NTRK1: variants seen among roughly 807,000 people sequenced by gnomAD.
NTRK1 encodes neurotrophic receptor tyrosine kinase 1, also known as high affinity nerve growth factor receptor.
A neutral mutation model predicts 86.8 loss-of-function variants in NTRK1; 62 were observed. The ratio of observed to expected loss-of-function variants is 0.71; its 90% CI spans 0.58 to 0.88. The LOEUF (loss-of-function observed/expected upper bound fraction) is 0.88, where lower values mean the gene tolerates loss of function less well. Ranked by LOEUF, NTRK1 falls within the 40% of genes least tolerant of loss-of-function variation. The pLI, the probability that NTRK1 is intolerant of heterozygous loss-of-function variation, is 0.00. For synonymous variants in NTRK1, 469 were observed against 456.6 expected (o/e 1.03, Z -0.35); for missense variants, 967 against 1,078.4 (o/e 0.90, Z 1.45).
In NTRK1 at chr1:156,880,037, GC is replaced by G; in HGVS notation, c.2088del (p.Glu697ArgfsTer123). ...CCATGCTGCCCATTCGCTGGATGCC[GC>G]CCGAGAGCATCCTGTACCGTAAGTT... ...RTMLPIRWMP[P>X]ESILYRKFTT... On this transcript the variant is annotated frameshift_variant, in exon 16 of 17. Coordinates refer to ENST00000524377, the MANE Select transcript of NTRK1 (RefSeq NM_002529.4). LOFTEE classifies it high-confidence loss of function. 5.6e-6 allele frequency: 9 copies of G among 1,613,448 alleles called. No individual in the cohort carries two copies. The highest frequency in any genetic ancestry group is 7.6e-6 in the Non-Finnish European group (9 of 1,179,970).
chr1:156,858,540 C>T (rs1655492110), upstream of NTRK1: 2 of 1,613,190 alleles, frequency 1.2e-6, no homozygotes, highest in East Asian at 2.2e-5. Flanking sequence ...GACTCACCCT[C>T]TACTGTATCC....
At chr1:156,864,970 G>A in intron 3 of NTRK1, 171 bp downstream of exon 3, 1 of 693,920 alleles carries the variant, frequency 1.4e-6, no homozygotes, top group Non-Finnish European at 2.6e-6. Context: ...GGGATGGCAT[G>A]CTCTCGCCCC....
chr1:156,875,621 C>A lies in NTRK1; in HGVS notation c.1456C>A (p.Leu486Ile), dbSNP rs772559075. The A allele has an allele frequency of 1.7e-5, 28 of 1,613,736 alleles. No individual in the cohort carries two copies. The South Asian group carries it at 2.4e-4, about 14-fold the overall frequency. ...LSPTEGKGSG[L>I]QGHIIENPQY... The stretch of plus-strand genomic sequence containing the variant: ...CCCCACCGAGGGCAAAGGCTCTGGG[C>A]TCCAAGGCCACATCATCGAGAACCC... Residue 486 changes from leucine to isoleucine, a missense_variant, in exon 12 of 17, where the codon CTC becomes ATC. Coordinates refer to ENST00000524377, the MANE Select transcript of NTRK1 (RefSeq NM_002529.4).
intron 10 of NTRK1, 100 bp downstream of exon 10, chr1:156,874,726 C>A (rs2102910912): frequency 7.3e-7 from 1 of 1,374,910 alleles, no homozygotes; most frequent in Non-Finnish European, 1.0e-6. Context: ...AGATCACTAC[C>A]ATCTGGCCTG....
At chr1:156,822,015 G>A (rs533774386) in intron 1 of NTRK1, among the ~76,000 whole-genome samples, 26 of 152,282 alleles carry the variant, frequency 1.7e-4, no homozygotes, top group African/African-American at 5.5e-4. Flanking sequence ...TGCATTCCTA[G>A]GACTACAGCT....
At chr1:156,875,945 G>C in intron 12 of NTRK1, 135 bp from the exon 13 acceptor site, 1 of 1,369,004 alleles carries the variant, frequency 7.3e-7, no homozygotes, top group Non-Finnish European at 1.0e-6. Context: ...AAGGGGTGCA[G>C]GTTGAATTTT....
chr1:156,866,777 G>C, intron 3 of NTRK1, 133 bp from the exon 4 acceptor site: 7 of 904,486 alleles, frequency 7.7e-6, no homozygotes, highest in Non-Finnish European at 1.1e-5. Context: ...TTCCAGGGCT[G>C]GTTCTGGTTG....
intron 14 of NTRK1, among the ~76,000 whole-genome samples, chr1:156,878,261 T>G (rs1465246141): frequency 6.6e-6 from 1 of 152,054 alleles, no homozygotes; most frequent in African/African-American, 2.4e-5. Flanking sequence ...ACACACAAAC[T>G]CTACCCCTCC....
chr1:156,871,498 C>CTTCTCTTCCCTCCCAGCCCTCCTCTCCT, intron 6 of NTRK1, 125 bp from the exon 7 acceptor site: 1 of 1,048,916 alleles, frequency 9.5e-7, no homozygotes, highest in Non-Finnish European at 1.4e-6. Context: ...CCCTCTCTCC[C>CTTCTCTTCCCTCCCAGCCCTCCTCTCCT]TTCTCTTCCC....
At chr1:156,851,634 G>T in intron 2 of NTRK1, 1 of 1,614,168 alleles carries the variant, frequency 6.2e-7, no homozygotes, top group Non-Finnish European at 8.5e-7. Flanking sequence ...TGGCCCCAAA[G>T]TAGGTACTGA....
chr1:156,845,022 C>A (rs1188024359), intron 2 of NTRK1: 23 of 1,557,470 alleles, frequency 1.5e-5, no homozygotes, highest in Middle Eastern at 3.3e-4. Flanking sequence ...AACCTTTGCA[C>A]AGGGTCCTTG....
chr1:156,845,556 C>CCA, intron 2 of NTRK1: 1 of 1,442,846 alleles, frequency 6.9e-7, no homozygotes, highest in Non-Finnish European at 9.3e-7. Flanking sequence ...ACCCCTCCCG[C>CCA]AAGACCCGCC....
chr1:156,849,351 G>A (rs1655123543), intron 2 of NTRK1: 2 of 1,613,924 alleles, frequency 1.2e-6, no homozygotes, highest in Non-Finnish European at 1.7e-6. Flanking sequence ...AAGCAGAGGC[G>A]CGGGTTGAAG....
At chr1:156,864,950 A>G (rs1655857586) in intron 3 of NTRK1, 151 bp downstream of exon 3, 8 of 766,626 alleles carry the variant, frequency 1.0e-5, no homozygotes, top group Non-Finnish European at 1.6e-5. Flanking sequence ...GCTTCCTCCC[A>G]TCTCCCTCAG....
At chr1:156,875,212 T>G (rs1571698045) in intron 11 of NTRK1, among the ~76,000 whole-genome samples, 1 of 150,838 alleles carries the variant, frequency 6.6e-6, no homozygotes, top group African/African-American at 2.4e-5. Context: ...GGTGCTGGGG[T>G]AGTTTCAGAG....
chr1:156,835,191 T>C (rs1229581483), intron 1 of NTRK1, among the ~76,000 whole-genome samples: 1 of 152,194 alleles, frequency 6.6e-6, no homozygotes. Context: ...TTTTCTCTAC[T>C]TCCCACCTGT....
chr1:156,851,724 C>T lies in NTRK1; in HGVS notation c.50+9531C>T, dbSNP rs1277668841. 1.2e-5 allele frequency: 19 copies of T among 1,614,066 alleles called. No homozygotes were observed. The highest frequency in any genetic ancestry group is 1.6e-4 in the Middle Eastern group (1 of 6,084). On this transcript the variant is annotated intron_variant, in intron 2 of 16. Coordinates refer to the NTRK1 transcript ENST00000392302. Reference sequence around the variant, plus strand: ...AGATCCTGTGCCGCCTGGATGGAGTCGATGGTCTTGGTGCCTACCTTGCAC... The same window carrying T: ...AGATCCTGTGCCGCCTGGATGGAGTTGATGGTCTTGGTGCCTACCTTGCAC...
chr1:156,870,556 G>A (rs574692692), intron 6 of NTRK1, among the ~76,000 whole-genome samples: 9 of 152,276 alleles, frequency 5.9e-5, no homozygotes, highest in African/African-American at 1.4e-4. Context: ...GCTTCCCCTC[G>A]AAGTGGCTGG....
rs1371565436 is a variant in NTRK1 at position 156,845,090 on chromosome 1, C to A, written c.50+2897C>A. The A allele has an allele frequency of 1.9e-6, 3 of 1,608,150 alleles. No homozygotes were observed. Among genetic ancestry groups the A allele is most frequent in the Admixed American group, 1.7e-5 (1 of 59,288 alleles). On this transcript the variant is annotated intron_variant, in intron 2 of 16. Coordinates refer to the NTRK1 transcript ENST00000392302. ...GGATCACCTACTGTGGGGCATGGTG[C>A]GCGCAAAGACGAAGGTGGCGGCGCT... is the stretch of plus-strand genomic sequence containing the variant.
Sources: allele counts gnomAD v4.1 joint callset (sites outside exome capture counted in the v4.1 genomes callset), GRCh38; gene constraint gnomAD v4.1.1; transcripts MANE v1.5; gene names NCBI Gene and HGNC (gene_info 2026-07-23, HGNC 2026-07-21).